The following USP33 variants were observed in gnomAD, a reference collection of about 807,000 sequenced individuals.
USP33 encodes the protein ubiquitin specific peptidase 33.
Under a neutral mutation model 124.2 loss-of-function variants are expected in USP33, and 46 were observed. That is an observed-to-expected ratio of 0.37 (90% CI 0.29 to 0.47). The LOEUF is 0.47. Ranked by LOEUF, USP33 falls within the 20% of genes least tolerant of loss-of-function variation. The probability of loss-of-function intolerance (pLI) is 0.99; values close to 1 mark genes in which losing one functional copy is unlikely to be tolerated. For missense variants in USP33, 851 were observed against 1,070.6 expected (o/e 0.79, Z 2.86); for synonymous variants, 350 against 352.3 (o/e 0.99, Z 0.07).
At chr1:77,709,882 TACACAC>T (rs35770178) in intron 21 of USP33, among the ~76,000 whole-genome samples, 12,204 of 144,834 alleles carry the variant, frequency 0.084, 580 homozygotes, top group Middle Eastern at 0.2. Context: ...TGCATACACA[TACACAC>T]ACACACACAC....
In USP33 at chr1:77,728,616, T is replaced by A. The variant is rs771374501; in HGVS notation, c.814A>T (p.Thr272Ser). ...TTGTCTTCTTCCATTGTCTCCTCAG[T>A]GGTTATGGTTTGCGGATCTTCTTCT... is the stretch of plus-strand genomic sequence containing the variant. ...EVEEDPQTIT[T>S]EETMEEDKSQ... The change falls in exon 10 of 24, where the codon ACT (threonine) becomes TCT (serine). Residue 272 changes from threonine (T) to serine (S), a missense_variant. Coordinates refer to ENST00000370794, the MANE Select transcript of USP33 (RefSeq NM_201624.3). 1 of 1,614,172 alleles carries A rather than the reference T, an allele frequency of 6.2e-7. No individual in the cohort carries two copies. Among genetic ancestry groups the A allele is most frequent in the South Asian group, 1.1e-5 (1 of 91,088 alleles).
At position 77,739,281 on chromosome 1, in the gene USP33, T is replaced by G. The variant is rs1011314434; in HGVS notation, c.335A>C (p.Gln112Pro). ...LPHVRQPHQIQENSVQDFKIP... is the reference protein window; with the variant it reads ...LPHVRQPHQIPENSVQDFKIP... ...GATTATTACCTGGACACTGTTTTCT[T>G]GTATTTGGTGAGGTTGTCTTACATG... Residue 112 changes from glutamine (Q) to proline (P), a missense_variant, in exon 5 of 24, where the codon CAA (glutamine) becomes CCA (proline). Gln to Pro is a moderately conservative substitution (Grantham distance 76). Transcript: ENST00000370794. 3 of 1,612,718 alleles carry G rather than the reference T, an allele frequency of 1.9e-6. No homozygotes were observed. Among genetic ancestry groups the G allele is most frequent in the Non-Finnish European group, 2.5e-6 (3 of 1,179,588 alleles).
intron 16 of USP33, 151 bp from the exon 17 acceptor site, chr1:77,718,198 C>T (rs1557831253): frequency 6.9e-6 from 5 of 728,904 alleles, no homozygotes; most frequent in South Asian, 4.6e-5. Context: ...ATTTTTATTT[C>T]GTTTTAAATG....
At chr1:77,711,624 C>G in intron 21 of USP33, 123 bp downstream of exon 21, 1 of 1,479,870 alleles carries the variant, frequency 6.8e-7, no homozygotes, top group Non-Finnish European at 9.0e-7. Flanking sequence ...CATTATGCAC[C>G]TAGAACACTT....
At chr1:77,711,611 C>T in intron 21 of USP33, 136 bp downstream of exon 21, 2 of 1,409,490 alleles carry the variant, frequency 1.4e-6, no homozygotes, top group Admixed American at 2.6e-5. Flanking sequence ...TGAGGTCATT[C>T]ACCATTATGC....
intron 21 of USP33, among the ~76,000 whole-genome samples, chr1:77,704,299 G>A (rs572779606): frequency 2.0e-4 from 30 of 152,088 alleles, no homozygotes; most frequent in Non-Finnish European, 3.8e-4. Context: ...ATTAAAGTTC[G>A]GGCTTTCTGT....
chr1:77,750,327 A>G (rs940391819), intron 1 of USP33, among the ~76,000 whole-genome samples: 1 of 147,318 alleles, frequency 6.8e-6, no homozygotes, highest in African/African-American at 2.7e-5. Flanking sequence ...CCAAAAAAAG[A>G]AAGAAAGAAA....
intron 19 of USP33, among the ~76,000 whole-genome samples, chr1:77,713,925 G>A (rs1486169353): frequency 1.3e-5 from 2 of 152,178 alleles, no homozygotes; most frequent in Non-Finnish European, 2.9e-5. Flanking sequence ...GTTTCCTCAA[G>A]ATGAACATAC....
At chr1:77,697,708 A>G in intron 23 of USP33, 155 bp downstream of exon 23, 1 of 948,798 alleles carries the variant, frequency 1.1e-6, no homozygotes, top group Middle Eastern at 3.3e-4. Context: ...TCCTCAGATA[A>G]AAAAAAAGTG....
At chr1:77,732,186 G>A (rs934783130) in intron 7 of USP33, among the ~76,000 whole-genome samples, 7 of 150,898 alleles carry the variant, frequency 4.6e-5, no homozygotes, top group Non-Finnish European at 1.0e-4. Flanking sequence ...AAACTTCTGT[G>A]TCTGGTTTTC....
At chr1:77,748,779 T>TCCC (rs1553201472) in intron 1 of USP33, among the ~76,000 whole-genome samples, 21 of 47,640 alleles carry the variant, frequency 4.4e-4, no homozygotes, top group African/African-American at 1.1e-3. Context: ...ATTCCTTCCC[T>TCCC]CCCCCCCCCC....
chr1:77,729,736 ATTC>A (rs1677585416), intron 9 of USP33, 121 bp downstream of exon 9: 1 of 830,938 alleles, frequency 1.2e-6, no homozygotes, highest in East Asian at 2.5e-5. Context: ...AAGGGTTACT[ATTC>A]TTGGCAAAAG....
Position 77,722,021 on chromosome 1 carries a change from T to C in USP33, c.1562+3A>G, listed in dbSNP as rs373147297. 4.3e-6 allele frequency: 7 copies of C among 1,611,950 alleles called. No individual in the cohort carries two copies. In the African/African-American group the frequency reaches 8.0e-5, roughly 18 times the overall value. ...ATGTAATACAAAGAAAATAAATACA[T>C]ACCTCTTCACATATTCCATGAAAAA... On this transcript the variant is annotated splice_donor_region_variant and intron_variant, in intron 13 of 23. Coordinates refer to ENST00000370794, the MANE Select transcript of USP33 (RefSeq NM_201624.3).
In USP33 at chr1:77,730,171, T is replaced by A. The variant is rs532102279; in HGVS notation, c.639-233A>T. ...AATTAAATGATTATGCTTCACCCCA[T>A]GACTTTTCAAAAATGCAAGTTTCCT... On this transcript the variant is annotated intron_variant, in intron 8 of 23. Coordinates refer to ENST00000370794, the MANE Select transcript of USP33 (RefSeq NM_201624.3). Among the ~76,000 whole-genome samples, 13 of 152,290 alleles carry A rather than the reference T, an allele frequency of 8.5e-5. No homozygotes were observed. In the South Asian group the frequency reaches 2.5e-3, roughly 29 times the overall value.
chr1:77,714,880 A>G, intron 18 of USP33, 97 bp from the exon 19 acceptor site: 1 of 1,231,496 alleles, frequency 8.1e-7, no homozygotes, highest in Non-Finnish European at 1.2e-6. Flanking sequence ...ACATATTAAC[A>G]CTATCTTTAT....
rs1673456467 is a variant in USP33, at chr1:77,696,558, T to A, written c.*759A>T. ...AGGAAATTAACAATTTTCTGACTAC[T>A]ACTTTCAACTTAAAATAGGCTCTTT... On this transcript the variant is annotated 3_prime_UTR_variant, in exon 24 of 24. Transcript: ENST00000370794. 6.6e-6 allele frequency: 1 copy of A among 152,568 alleles called. No homozygotes were observed. The highest frequency in any genetic ancestry group is 2.1e-4 in the South Asian group (1 of 4,834). 9.5% of individuals were successfully genotyped at this position (152,568 alleles called of 1,614,324 possible). A position where few individuals can be genotyped will look rare whatever the true frequency, so the allele number is the denominator to read the frequency against.
chr1:77,704,425 T>C (rs1674387460), intron 21 of USP33, among the ~76,000 whole-genome samples: 1 of 152,214 alleles, frequency 6.6e-6, no homozygotes, highest in Admixed American at 6.5e-5. Context: ...GTTTGAAAAC[T>C]TTCAGGACTT....
In USP33 at chr1:77,728,562, A is replaced by G; in HGVS notation, c.868T>C (p.Cys290Arg). 1 of 1,614,146 alleles carries G rather than the reference A, an allele frequency of 6.2e-7. No individual in the cohort carries two copies. Among genetic ancestry groups the G allele is most frequent in the Non-Finnish European group, 8.5e-7 (1 of 1,180,018 alleles). ...CTATCACTGTTGCTACAAGATTCAC[A>G]AGACTGAAAATCTACATCCGACTGG... ...KSQSDVDFQS[C>R]ESCSNSDRAE... The change falls in exon 10 of 24, where the codon TGT becomes CGT. Residue 290 changes from cysteine (C) to arginine (R), a missense_variant. By Grantham distance (180) the Cys-to-Arg change is radical (BLOSUM62 -3). This residue lies in a region of USP33 where 207 missense variants were observed against 200.9 expected (regional missense o/e 1.03). Coordinates refer to ENST00000370794, the MANE Select transcript of USP33 (RefSeq NM_201624.3).
At chr1:77,732,659 T>C (rs966703649) in intron 7 of USP33, among the ~76,000 whole-genome samples, 5 of 152,094 alleles carry the variant, frequency 3.3e-5, no homozygotes, top group African/African-American at 1.2e-4. Context: ...TTCTTCCAGT[T>C]CCTCAAATGT....
Sources: gnomAD v4.1 joint callset for allele counts (sites outside exome capture counted in the v4.1 genomes callset) on GRCh38, gnomAD v4.1.1 for gene constraint, gnomAD v4.1.1 regional missense constraint, MANE v1.5 for transcripts, NCBI Gene and HGNC (gene_info 2026-07-23, HGNC 2026-07-21) for gene names.